ZNF644: variants seen among roughly 807,000 people sequenced by gnomAD.
ZNF644 encodes zinc finger protein 644, also known as zinc finger motif enhancer binding protein 2.
Under a neutral mutation model 108.0 loss-of-function variants are expected in ZNF644, and 20 were observed. That is an observed-to-expected ratio of 0.19 (90% CI 0.13 to 0.27). The LOEUF is 0.27. Among genes scored for constraint, ZNF644 ranks in the 10% least tolerant of loss-of-function variants. The pLI is 1.00. For missense variants in ZNF644, 1,338 were observed against 1,548.9 expected, an observed-to-expected ratio of 0.86 and a Z score of 2.29; for synonymous variants, 542 against 539.1, an observed-to-expected ratio of 1.01 and a Z score of -0.08.
intron 2 of ZNF644, among the ~76,000 whole-genome samples, chr1:90,968,466 TAAAC>T (rs746010097): frequency 7.2e-5 from 11 of 152,196 alleles, no homozygotes; most frequent in Non-Finnish European, 1.3e-4. Flanking sequence ...TGATGTGTGA[TAAAC>T]AGACTTTTTA....
intron 2 of ZNF644, among the ~76,000 whole-genome samples, chr1:90,951,025 G>T (rs1412891115): frequency 1.3e-5 from 2 of 152,146 alleles, no homozygotes; most frequent in Admixed American, 1.3e-4. Flanking sequence ...TAACCTTGGA[G>T]CAACCTTCAC....
intron 2 of ZNF644, among the ~76,000 whole-genome samples, chr1:90,974,038 T>C (rs994412760): frequency 1.1e-4 from 16 of 152,070 alleles, no homozygotes; most frequent in African/African-American, 3.6e-4. Flanking sequence ...ATGGGATAGG[T>C]GTCCGTATAG....
chr1:90,992,649 T>C (rs1193435718), intron 1 of ZNF644, among the ~76,000 whole-genome samples: 1 of 152,218 alleles, frequency 6.6e-6, no homozygotes, highest in Non-Finnish European at 1.5e-5. Context: ...TGAAAATTAA[T>C]CTAATTTTAC....
intron 4 of ZNF644, among the ~76,000 whole-genome samples, chr1:90,928,462 C>T (rs1269740484): frequency 6.6e-6 from 1 of 151,612 alleles, no homozygotes; most frequent in Non-Finnish European, 1.5e-5. Context: ...GGATTACAGG[C>T]GCATACCACC....
intron 2 of ZNF644, among the ~76,000 whole-genome samples, chr1:90,968,431 G>T (rs957370412): frequency 1.1e-4 from 16 of 151,632 alleles, no homozygotes; most frequent in East Asian, 1.9e-4. Context: ...TTTCGGTTTT[G>T]GGGGGGGAGC....
chr1:91,019,478 C>T (rs60584714), intron 1 of ZNF644, among the ~76,000 whole-genome samples: 1,924 of 152,258 alleles, frequency 0.013, 38 homozygotes, highest in African/African-American at 0.044. Flanking sequence ...AGCAACATTG[C>T]TCTGAAACTA....
At position 90,937,713 on chromosome 1, in the gene ZNF644, C is replaced by A; in HGVS notation, c.3460G>T (p.Asp1154Tyr). The change falls in exon 4 of 6, where the codon GAT (aspartate) becomes TAT (tyrosine). Residue 1154 changes from aspartate to tyrosine, a missense_variant. Transcript: ENST00000337393. ...CTGGGCAGTTCTGGTTTTGTTTCAT[C>A]ATATTCATTTAAGAAATTCAGCCCT... ...EEGLNFLNEY[D>Y]ETKPELPSGK... 1 of 1,613,812 alleles carries A rather than the reference C, an allele frequency of 6.2e-7. No individual in the cohort carries two copies. The highest frequency in any genetic ancestry group is 1.1e-5 in the South Asian group (1 of 91,074).
At chr1:90,984,956 T>C (rs904317517) in intron 1 of ZNF644, among the ~76,000 whole-genome samples, 12 of 152,308 alleles carry the variant, frequency 7.9e-5, no homozygotes, top group Admixed American at 5.2e-4. Context: ...GCCATAGAAC[T>C]GTACACTTTA....
rs1004224309 is a variant in ZNF644, at chr1:90,995,093, A to T, written c.-17-12723T>A. ...GGAAAATGTGACCCAGACTCAGGAA[A>T]AAAGAAAAGTAAATCAACAGATACT... On this transcript the variant is annotated intron_variant, in intron 1 of 5. Coordinates refer to ENST00000337393, the MANE Select transcript of ZNF644 (RefSeq NM_201269.3). Among the ~76,000 whole-genome samples, 3 of 152,356 alleles carry T rather than the reference A, an allele frequency of 2.0e-5. No homozygotes were observed. The East Asian group carries it at 5.8e-4, about 29-fold the overall frequency.
intron 1 of ZNF644, chr1:91,021,181 A>C (rs1660869557): frequency 6.7e-6 from 1 of 150,260 alleles, no homozygotes; most frequent in Admixed American, 6.6e-5. Context: ...TCCCAGGGAC[A>C]CAAAGGCCAG....
chr1:90,917,432 A>G (rs949936081), intron 5 of ZNF644, among the ~76,000 whole-genome samples: 2 of 152,210 alleles, frequency 1.3e-5, no homozygotes, highest in East Asian at 3.9e-4. Context: ...CGAGAACTCA[A>G]GACAACAAAA....
At chr1:90,999,694 C>A (rs899847193) in intron 1 of ZNF644, among the ~76,000 whole-genome samples, 5 of 152,128 alleles carry the variant, frequency 3.3e-5, no homozygotes, top group South Asian at 4.2e-4. Flanking sequence ...ACAATATTAA[C>A]CTTAAATGTA....
Position 90,939,176 on chromosome 1 carries a change from T to C in ZNF644, c.2178A>G (p.Ala726=), listed in dbSNP as rs760128248. The C allele has an allele frequency of 6.2e-7, 1 of 1,613,776 alleles. No individual in the cohort carries two copies. The highest frequency in any genetic ancestry group is 8.5e-7 in the Non-Finnish European group (1 of 1,179,930). The change falls in exon 3 of 6, where the codon GCA becomes GCG. Residue 726 remains alanine (A), a synonymous_variant. Coordinates refer to ENST00000337393, the MANE Select transcript of ZNF644 (RefSeq NM_201269.3). ...DQKPKYFHQA[A]KEKSNAKANS... ...TTGCCTTGGCATTAGACTTTTCTTT[T>C]GCTGCTTGATGGAAATACTTAGGTT...
intron 1 of ZNF644, among the ~76,000 whole-genome samples, chr1:90,998,864 G>T (rs562682757): frequency 3.4e-4 from 52 of 152,250 alleles, no homozygotes; most frequent in Non-Finnish European, 6.5e-4. Flanking sequence ...TGACCTGATG[G>T]AGCTGAAAAC....
chr1:90,954,480 C>G (rs1653541577), intron 2 of ZNF644, among the ~76,000 whole-genome samples: 1 of 151,910 alleles, frequency 6.6e-6, no homozygotes, highest in Admixed American at 6.6e-5. Flanking sequence ...CATCTCAGCT[C>G]ACTGCAACCT....
chr1:90,969,106 T>TC (rs1190131639), intron 2 of ZNF644, among the ~76,000 whole-genome samples: 1 of 152,076 alleles, frequency 6.6e-6, no homozygotes, highest in East Asian at 1.9e-4. Flanking sequence ...TGAATTGTGT[T>TC]CCCCCCAAAA....
chr1:91,001,544 C>T (rs551110250), intron 1 of ZNF644, among the ~76,000 whole-genome samples: 36 of 152,092 alleles, frequency 2.4e-4, no homozygotes, highest in Admixed American at 3.9e-4. Context: ...CTCAAAATAA[C>T]AAGAGCTATT....
At chr1:90,935,601 T>C in intron 4 of ZNF644, 5 of 957,672 alleles carry the variant, frequency 5.2e-6, no homozygotes, top group Non-Finnish European at 6.2e-6. Context: ...TTAAAGAGTG[T>C]AGAAAAGCAC....
At chr1:90,932,736 C>T (rs1650880125) in intron 4 of ZNF644, among the ~76,000 whole-genome samples, 2 of 151,524 alleles carry the variant, frequency 1.3e-5, no homozygotes, top group African/African-American at 4.9e-5. Flanking sequence ...GAATAAGCAG[C>T]AAAGACATCT....
Sources: gnomAD v4.1 joint callset for allele counts (sites outside exome capture counted in the v4.1 genomes callset) on GRCh38, gnomAD v4.1.1 for gene constraint, MANE v1.5 for transcripts, NCBI Gene and HGNC (gene_info 2026-07-23, HGNC 2026-07-21) for gene names.